ST7: variants seen among roughly 807,000 people sequenced by gnomAD.
ST7 encodes the protein suppressor of tumorigenicity 7 protein.
In ST7, 28 loss-of-function variants were observed where a neutral mutation model predicts 78.7. That is an observed-to-expected ratio of 0.36 (90% CI 0.26 to 0.49). The LOEUF is 0.49. Ranked by LOEUF, ST7 falls within the 20% of genes least tolerant of loss-of-function variation. ST7 has a pLI of 0.99. For synonymous variants in ST7, 247 were observed against 249.6 expected, an observed-to-expected ratio of 0.99 and a Z score of 0.10; for missense variants, 418 against 696.0, an observed-to-expected ratio of 0.60 and a Z score of 4.49.
At chr7:117,120,527 C>T (rs1187126427) in intron 3 of ST7, among the ~76,000 whole-genome samples, 1 of 152,158 alleles carries the variant, frequency 6.6e-6, no homozygotes, top group Non-Finnish European at 1.5e-5. Flanking sequence ...CCCATATGTC[C>T]TGTTTTCTAG....
chr7:117,072,267 G>A (rs1406285365), intron 1 of ST7: 1 of 152,120 alleles, frequency 6.6e-6, no homozygotes, highest in African/African-American at 2.4e-5. Flanking sequence ...GCCTTTTTCT[G>A]AAGTCATCTT....
intron 1 of ST7, among the ~76,000 whole-genome samples, chr7:117,077,822 T>G (rs1230815540): frequency 1.3e-5 from 2 of 151,418 alleles, no homozygotes; most frequent in African/African-American, 4.9e-5. Flanking sequence ...AGTTCTGTTG[T>G]GAAAGAGGTA....
At chr7:117,112,094 A>G (rs775915347) in intron 2 of ST7, among the ~76,000 whole-genome samples, 18 of 151,008 alleles carry the variant, frequency 1.2e-4, no homozygotes, top group Non-Finnish European at 2.2e-4. Flanking sequence ...ATATATATGC[A>G]TGTGTGTGTG....
chr7:117,114,244 T>G (rs940456332), intron 2 of ST7, among the ~76,000 whole-genome samples: 1 of 151,974 alleles, frequency 6.6e-6, no homozygotes, highest in Non-Finnish European at 1.5e-5. Context: ...AAAAAAAAGT[T>G]TGATCTGTCA....
chr7:117,109,583 C>T (rs1209531838), intron 2 of ST7, among the ~76,000 whole-genome samples: 1 of 152,038 alleles, frequency 6.6e-6, no homozygotes, highest in Admixed American at 6.5e-5. Flanking sequence ...AGTCCAGGAC[C>T]AGATAGACTC....
At chr7:117,212,639 T>C (rs1490545014) in intron 13 of ST7, among the ~76,000 whole-genome samples, 1 of 152,220 alleles carries the variant, frequency 6.6e-6, no homozygotes, top group Non-Finnish European at 1.5e-5. Context: ...TGAAAGAGAC[T>C]GGAAGTAAAT....
chr7:117,077,451 C>T (rs929236499), intron 1 of ST7, among the ~76,000 whole-genome samples: 4 of 152,156 alleles, frequency 2.6e-5, no homozygotes, highest in African/African-American at 9.7e-5. Flanking sequence ...TCTGTAACAT[C>T]ACTTAGAGGA....
chr7:117,082,722 G>T (rs1432965186), intron 1 of ST7, among the ~76,000 whole-genome samples: 1 of 152,198 alleles, frequency 6.6e-6, no homozygotes, highest in Non-Finnish European at 1.5e-5. Context: ...TCTGTAAAGA[G>T]CCAGACAGTA....
chr7:117,169,901 C>G (rs1373329651), intron 9 of ST7, among the ~76,000 whole-genome samples: 2 of 148,866 alleles, frequency 1.3e-5, no homozygotes, highest in Admixed American at 6.8e-5. Flanking sequence ...CACCTATTCT[C>G]TTAGTCTCAG....
intron 1 of ST7, among the ~76,000 whole-genome samples, chr7:117,071,496 A>T (rs946623097): frequency 6.6e-6 from 1 of 152,366 alleles, no homozygotes. Context: ...GGATCTTTCC[A>T]GCTCAAACAT....
chr7:117,189,237 G>A (rs1025460428), intron 10 of ST7, 84 bp from the exon 11 acceptor site: 46 of 867,506 alleles, frequency 5.3e-5, no homozygotes, highest in Middle Eastern at 5.1e-4. Context: ...GCACTTAAAC[G>A]TGATTAAAAT....
intron 1 of ST7, among the ~76,000 whole-genome samples, chr7:116,975,946 A>AT (rs1212453196): frequency 6.6e-6 from 1 of 151,962 alleles, no homozygotes; most frequent in Non-Finnish European, 1.5e-5. Context: ...TCAGTCAGAG[A>AT]TTGCTGTAGT....
chr7:117,046,892 G>T (rs1255829477), intron 1 of ST7, among the ~76,000 whole-genome samples: 1 of 152,116 alleles, frequency 6.6e-6, no homozygotes, highest in African/African-American at 2.4e-5. Context: ...TACATTTACT[G>T]CAGGTTTAAT....
chr7:116,988,888 G>A (rs1183677736), intron 1 of ST7, among the ~76,000 whole-genome samples: 1 of 152,106 alleles, frequency 6.6e-6, no homozygotes, highest in Non-Finnish European at 1.5e-5. Flanking sequence ...TTAAAATTCA[G>A]CAAATAGCAA....
At chr7:116,982,832 C>T (rs1794017030) in intron 1 of ST7, among the ~76,000 whole-genome samples, 1 of 152,140 alleles carries the variant, frequency 6.6e-6, no homozygotes, top group African/African-American at 2.4e-5. Context: ...TCCCAGTCCT[C>T]TCAGGGGAGA....
At chr7:116,958,655 T>G (rs1371045473) in intron 1 of ST7, 1 of 471,116 alleles carries the variant, frequency 2.1e-6, no homozygotes, top group East Asian at 6.9e-5. Context: ...TTGGAGATAT[T>G]GCAAGTTTGG....
At chr7:117,035,279 G>GT (rs1314079007) in intron 1 of ST7, among the ~76,000 whole-genome samples, 2 of 152,108 alleles carry the variant, frequency 1.3e-5, no homozygotes, top group Non-Finnish European at 1.5e-5. Flanking sequence ...AGGAAGTGGA[G>GT]TCTGAGTAAC....
intron 1 of ST7, among the ~76,000 whole-genome samples, chr7:117,067,554 T>A (rs1055607408): frequency 1.3e-5 from 2 of 152,098 alleles, no homozygotes; most frequent in Non-Finnish European, 2.9e-5. Context: ...AACAGGAGTC[T>A]GGCTGAATAT....
chr7:117,101,671 C>T (rs371982608), intron 2 of ST7, among the ~76,000 whole-genome samples: 145 of 152,264 alleles, frequency 9.5e-4, no homozygotes, highest in African/African-American at 3.3e-3. Context: ...AAACAGTTCA[C>T]GCCAAGGACT....
Sources: gnomAD v4.1 joint callset for allele counts (sites outside exome capture counted in the v4.1 genomes callset) on GRCh38, gnomAD v4.1.1 for gene constraint, MANE v1.5 for transcripts, NCBI Gene and HGNC (gene_info 2026-07-23, HGNC 2026-07-21) for gene names.